The following TRPM2 variants were observed in gnomAD, a reference collection of about 807,000 sequenced individuals.
The protein encoded by TRPM2 is transient receptor potential cation channel subfamily M member 2.
Under a neutral mutation model 174.0 loss-of-function variants are expected in TRPM2, and 161 were observed. The observed-to-expected ratio is 0.93, with a 90% confidence interval of 0.81 to 1.05. The LOEUF is 1.05. Ranked by LOEUF, TRPM2 falls within the 50% of genes least tolerant of loss-of-function variation. The pLI is 0.00. For missense variants in TRPM2, 2,057 were observed against 2,038.0 expected, an observed-to-expected ratio of 1.01 and a Z score of -0.18; for synonymous variants, 954 against 861.3, an observed-to-expected ratio of 1.11 and a Z score of -1.88.
rs549892273 is a variant in TRPM2 at position 44,418,344 on chromosome 21, G to C, written c.3329-79G>C. 5.7e-6 allele frequency: 9 copies of C among 1,565,292 alleles called. No individual in the cohort carries two copies. In the East Asian group the frequency reaches 1.4e-4, roughly 24 times the overall value. ...CTCAGGACTGGCCCCCTCCCACGGG[G>C]CCCCCCCGGTGGGTCAGGGCTTCAG... is the stretch of plus-strand genomic sequence containing the variant. On this transcript the variant is annotated intron_variant, in intron 21 of 31. Coordinates refer to ENST00000397928, the MANE Select transcript of TRPM2 (RefSeq NM_003307.4).
intron 22 of TRPM2, among the ~76,000 whole-genome samples, chr21:44,422,609 C>T (rs577637747): frequency 2.8e-4 from 43 of 152,232 alleles, no homozygotes; most frequent in African/African-American, 8.7e-4. Context: ...TTGCAGTGGG[C>T]GCTGTGGATG....
At chr21:44,404,145 A>G (rs1053115755) in intron 16 of TRPM2, among the ~76,000 whole-genome samples, 8 of 151,706 alleles carry the variant, frequency 5.3e-5, no homozygotes, top group African/African-American at 1.7e-4. Flanking sequence ...ATGAACACAC[A>G]CATACAGACA....
chr21:44,369,050 T>C lies in TRPM2; in HGVS notation c.605-127T>C. On this transcript the variant is annotated intron_variant, in intron 4 of 31. Coordinates refer to ENST00000397928, the MANE Select transcript of TRPM2 (RefSeq NM_003307.4). ...CACCTGATGCTGGTTTGAAAGCCCC[T>C]GAGTGAGGAGCTCTGCGTTGTTGGG... 4 of 1,058,110 alleles carry C rather than the reference T, an allele frequency of 3.8e-6. 1 individual carries two copies. The South Asian group carries it at 7.7e-5, about 20-fold the overall frequency. The allele number at this position is 1,058,110 out of a possible 1,614,324, so 65.5% of individuals were successfully genotyped here.
At chr21:44,407,408 G>A (rs1380434756) in intron 19 of TRPM2, among the ~76,000 whole-genome samples, 4 of 147,540 alleles carry the variant, frequency 2.7e-5, no homozygotes, top group African/African-American at 1.0e-4. Context: ...TTACAGGCGT[G>A]AGCCACCATG....
Position 44,400,293 on chromosome 21 carries a change from C to A in TRPM2, c.2243C>A (p.Ser748Tyr), listed in dbSNP as rs1362537684. The A allele has an allele frequency of 6.2e-7, 1 of 1,612,930 alleles. No individual in the cohort carries two copies. The highest frequency in any genetic ancestry group is 1.1e-5 in the South Asian group (1 of 91,040). The change falls in exon 15 of 32, where the codon TCC becomes TAC. Residue 748 changes from serine to tyrosine, a missense_variant. Transcript: ENST00000397928. ...FLTKVWWGQL[S>Y]VDNGLWRVTL... ...ACCAAGGTGTGGTGGGGCCAGCTCT[C>A]CGTGGACAATGGGCTGTGGCGTGTG...
intron 29 of TRPM2, 26 bp downstream of exon 29, chr21:44,437,193 T>G: frequency 6.5e-7 from 1 of 1,535,548 alleles, no homozygotes; most frequent in Non-Finnish European, 8.8e-7. Flanking sequence ...GTGGGACCTC[T>G]GTCCACTGGG....
chr21:44,395,351 G>T (rs2049309668), intron 11 of TRPM2, 63 bp from the exon 12 acceptor site: 4 of 1,582,050 alleles, frequency 2.5e-6, no homozygotes, highest in Admixed American at 3.5e-5. Flanking sequence ...CCTCTGACAG[G>T]CTCCGCCAGT....
At position 44,434,953 on chromosome 21, in the gene TRPM2, T is replaced by G. The variant is rs45547234; in HGVS notation, c.3975-178T>G. 1.7e-3 allele frequency among the ~76,000 whole-genome samples: 254 copies of G among 152,222 alleles called. 1 individual carries two copies. Among genetic ancestry groups the G allele is most frequent in the African/African-American group, 5.8e-3 (240 of 41,520 alleles). On this transcript the variant is annotated intron_variant, in intron 27 of 31. Coordinates refer to ENST00000397928, the MANE Select transcript of TRPM2 (RefSeq NM_003307.4). ...TAACCCAGAGCCTTGGTCTCACTCC[T>G]TGGGGGTCCCAAAGGGATCCTACTC...
chr21:44,353,620 T>C (rs536060434), upstream of TRPM2: 8 of 1,383,484 alleles, frequency 5.8e-6, no homozygotes, highest in Admixed American at 2.4e-4. Flanking sequence ...CATGTGTCTC[T>C]AGAACCCCAG....
chr21:44,422,706 A>G (rs1173214871), intron 22 of TRPM2, among the ~76,000 whole-genome samples: 1 of 152,232 alleles, frequency 6.6e-6, no homozygotes, highest in Non-Finnish European at 1.5e-5. Context: ...TAAACACAGC[A>G]GGCCGAGGCT....
intron 22 of TRPM2, among the ~76,000 whole-genome samples, chr21:44,420,740 T>C (rs2146358854): frequency 1.3e-5 from 2 of 152,318 alleles, no homozygotes; most frequent in South Asian, 4.1e-4. Flanking sequence ...AGGATGAAGC[T>C]GGAAGGCCAC....
At chr21:44,417,529 A>G (rs550333911) in intron 20 of TRPM2, among the ~76,000 whole-genome samples, 88 of 110,324 alleles carry the variant, frequency 8.0e-4, no homozygotes, top group Admixed American at 2.0e-3. Flanking sequence ...CTGTGGCATC[A>G]TAGTGGGCAC....
chr21:44,426,899 C>G, intron 26 of TRPM2, 111 bp from the exon 27 acceptor site: 1 of 1,348,600 alleles, frequency 7.4e-7, no homozygotes, highest in Non-Finnish European at 1.0e-6. Context: ...TGTGTACACC[C>G]AGCCTGCAGC....
intron 13 of TRPM2, among the ~76,000 whole-genome samples, chr21:44,398,206 G>GC (rs796728624): frequency 6.9e-6 from 1 of 144,732 alleles, no homozygotes; most frequent in Admixed American, 6.8e-5. Flanking sequence ...TTTGGAGACT[G>GC]TTTTTTTTTT....
intron 4 of TRPM2, among the ~76,000 whole-genome samples, chr21:44,368,432 G>GT (rs1053919350): frequency 1.5e-3 from 203 of 139,424 alleles, no homozygotes; most frequent in Admixed American, 1.9e-3. Flanking sequence ...TTATTTTTTT[G>GT]TTTTTTTTTT....
upstream of TRPM2, chr21:44,350,310 G>T (rs2047908359): frequency 6.6e-6 from 1 of 150,964 alleles, no homozygotes; most frequent in Admixed American, 6.6e-5. Flanking sequence ...GAGGGCGCGA[G>T]CCCGGGTGCG....
intron 16 of TRPM2, among the ~76,000 whole-genome samples, chr21:44,404,560 C>G (rs1788427665): frequency 6.6e-6 from 1 of 152,198 alleles, no homozygotes; most frequent in Non-Finnish European, 1.5e-5. Context: ...ACTGACCCAG[C>G]TCTCTTCAGA....
chr21:44,354,840 C>T lies in TRPM2; in HGVS notation c.254+104C>T. 1.0e-6 allele frequency: 1 copy of T among 955,114 alleles called. No homozygotes were observed. Among genetic ancestry groups the T allele is most frequent in the Non-Finnish European group, 1.7e-6 (1 of 588,782 alleles). 59.2% of individuals were successfully genotyped at this position (955,114 alleles called of 1,614,324 possible). ...CCCTCAGGGCCTCAGTGAAGGGTCA[C>T]TGGAGATACCTCTGTCTCCATACGA... is the stretch of plus-strand genomic sequence containing the variant. On this transcript the variant is annotated intron_variant, in intron 2 of 31. Transcript: ENST00000397928. This position sits in a 1 kb window ranked among gnomAD's most constrained non-coding sequence, Gnocchi z 4.3.
Position 44,409,025 on chromosome 21 carries a change from A to G in TRPM2, c.2962+2260A>G, listed in dbSNP as rs554436653. Among the ~76,000 whole-genome samples the G allele has an allele frequency of 4.5e-4, 68 of 152,130 alleles. 1 individual carries two copies. Among genetic ancestry groups the G allele is most frequent in the African/African-American group, 1.5e-3 (64 of 41,544 alleles). ...TTGTCTTTTATATTATTGAGTCGTA[A>G]GAGTTCTTTACGTAAGGATGCCAGT... On this transcript the variant is annotated intron_variant, in intron 19 of 31. Transcript: ENST00000397928.
Sources: allele counts gnomAD v4.1 joint callset (sites outside exome capture counted in the v4.1 genomes callset), GRCh38; gene constraint gnomAD v4.1.1; non-coding constraint Gnocchi (gnomAD v3.1); transcripts MANE v1.5; gene names NCBI Gene and HGNC (gene_info 2026-07-23, HGNC 2026-07-21).